The following RANBP2 variants were observed in gnomAD, a reference collection of about 807,000 sequenced individuals.
RANBP2 encodes E3 SUMO-protein ligase RanBP2.
RANBP2 carries 57 observed loss-of-function variants against 303.6 expected under a neutral mutation model. The observed-to-expected ratio is 0.19, with a 90% confidence interval of 0.15 to 0.23. The LOEUF (loss-of-function observed/expected upper bound fraction) is 0.23, where lower values mean the gene tolerates loss of function less well. Ranked by LOEUF, RANBP2 falls within the 10% of genes least tolerant of loss-of-function variation. The pLI is 1.00. For missense variants in RANBP2, 3,138 were observed against 3,780.8 expected, an observed-to-expected ratio of 0.83 and a Z score of 4.46; for synonymous variants, 1,167 against 1,301.5, an observed-to-expected ratio of 0.90 and a Z score of 2.23.
the RANBP2 span, among the ~76,000 whole-genome samples, chr2:109,645,966 A>C: frequency 6.6e-6 from 1 of 152,188 alleles, no homozygotes; most frequent in Non-Finnish European, 1.5e-5. Context: ...TGCTCATGAA[A>C]ACTTCACAGA....
At chr2:109,522,527 C>T in the RANBP2 span, among the ~76,000 whole-genome samples, 2 of 152,046 alleles carry the variant, frequency 1.3e-5, no homozygotes, top group Non-Finnish European at 2.9e-5. Context: ...GAACTCCTGA[C>T]CTCAGGTGAT....
chr2:108,892,600 T>TC, the RANBP2 span, among the ~76,000 whole-genome samples: 1 of 152,148 alleles, frequency 6.6e-6, no homozygotes, highest in Non-Finnish European at 1.5e-5. Flanking sequence ...CAGTGCAAAC[T>TC]CCATCTCTGG....
chr2:109,150,532 A>G, the RANBP2 span, among the ~76,000 whole-genome samples: 3 of 152,238 alleles, frequency 2.0e-5, no homozygotes, highest in Non-Finnish European at 4.4e-5. Flanking sequence ...TTAACCACAC[A>G]GTGGGACAGG....
the RANBP2 span, among the ~76,000 whole-genome samples, chr2:109,249,584 C>T: frequency 1.8e-5 from 2 of 110,290 alleles, no homozygotes; most frequent in African/African-American, 7.7e-5. Flanking sequence ...TCCTTCCTTC[C>T]TTTCCTTTCT....
chr2:109,542,892 CATAAA>C, the RANBP2 span: 2 of 152,486 alleles, frequency 1.3e-5, no homozygotes, highest in African/African-American at 2.4e-5. Context: ...TGAAAATACT[CATAAA>C]ATACCTCATC....
At chr2:109,181,950 G>A in the RANBP2 span, among the ~76,000 whole-genome samples, 1 of 152,178 alleles carries the variant, frequency 6.6e-6, no homozygotes, top group African/African-American at 2.4e-5. Context: ...GGCCTTGAAT[G>A]AGCAACCAAA....
At chr2:109,139,918 G>T in the RANBP2 span, among the ~76,000 whole-genome samples, 1 of 152,196 alleles carries the variant, frequency 6.6e-6, no homozygotes, top group Non-Finnish European at 1.5e-5. Context: ...GGCTTAGTTT[G>T]TTCAGGTTTG....
rs1558928047 is a variant in RANBP2, at chr2:108,768,040, T to C, written c.7501T>C (p.Ser2501Pro). ...ATSEVEVSST[S>P]ETTPKAVVSP... ...TTCAGAAGTTGAAGTGTCTAGCACA[T>C]CTGAAACAACACCAAAAGCAGTGGT... Residue 2501 changes from serine (S) to proline (P), a missense_variant, in exon 20 of 29, where the codon TCT (serine) becomes CCT (proline). Transcript: ENST00000283195. 6.8e-6 allele frequency: 11 copies of C among 1,611,908 alleles called. No individual in the cohort carries two copies. Among genetic ancestry groups the C allele is most frequent in the Non-Finnish European group, 1.7e-6 (2 of 1,179,874 alleles).
chr2:108,915,666 G>A, the RANBP2 span, among the ~76,000 whole-genome samples: 2 of 152,266 alleles, frequency 1.3e-5, no homozygotes, highest in Admixed American at 6.5e-5. Context: ...TTGGGAGGCC[G>A]AGGCGGGAGG....
the RANBP2 span, chr2:108,896,060 AG>A: frequency 6.6e-6 from 1 of 152,250 alleles, no homozygotes; most frequent in African/African-American, 2.4e-5. Context: ...CTAAGACTGA[AG>A]TGGAAGGCCA....
At chr2:109,613,658 G>T in the RANBP2 span, 23 of 539,040 alleles carry the variant, frequency 4.3e-5, no homozygotes, top group African/African-American at 3.6e-4. Flanking sequence ...CGCGGAAGCC[G>T]GGGAGCACTG....
At chr2:109,445,251 G>T in the RANBP2 span, among the ~76,000 whole-genome samples, 1 of 152,222 alleles carries the variant, frequency 6.6e-6, no homozygotes, top group Non-Finnish European at 1.5e-5. Context: ...GAAGAGATGG[G>T]ACAGAGAGAA....
At chr2:109,521,167 A>C in the RANBP2 span, among the ~76,000 whole-genome samples, 1 of 150,486 alleles carries the variant, frequency 6.6e-6, no homozygotes, top group African/African-American at 2.5e-5. Flanking sequence ...GCAGTGAGCC[A>C]AGATTGTGCC....
chr2:108,728,978 A>C (rs559754935), intron 1 of RANBP2, among the ~76,000 whole-genome samples, 154 bp from the exon 2 acceptor site: 1 of 152,242 alleles, frequency 6.6e-6, no homozygotes. Flanking sequence ...ATTATAAAAC[A>C]TGGAATTATG....
the RANBP2 span, among the ~76,000 whole-genome samples, chr2:109,380,135 C>T: frequency 6.6e-6 from 1 of 152,214 alleles, no homozygotes; most frequent in African/African-American, 2.4e-5. Flanking sequence ...TCCACACATA[C>T]ATGGGTGTTC....
intron 7 of RANBP2, among the ~76,000 whole-genome samples, chr2:108,742,654 A>C (rs186802538): frequency 8.6e-4 from 131 of 152,282 alleles, no homozygotes; most frequent in African/African-American, 3.0e-3. Context: ...GTTAAGTGCT[A>C]ATATTTGCTC....
the RANBP2 span, among the ~76,000 whole-genome samples, chr2:109,082,767 A>T: frequency 2.0e-5 from 3 of 150,970 alleles, no homozygotes; most frequent in African/African-American, 7.3e-5. Flanking sequence ...GTGCACTATG[A>T]TGGCACCTGT....
chr2:109,452,846 C>G, the RANBP2 span, among the ~76,000 whole-genome samples: 2 of 149,816 alleles, frequency 1.3e-5, no homozygotes, highest in Non-Finnish European at 3.0e-5. Context: ...AGGCTGGTCC[C>G]TGGGAGGCTG....
At chr2:108,920,682 C>T in the RANBP2 span, among the ~76,000 whole-genome samples, 1 of 152,214 alleles carries the variant, frequency 6.6e-6, no homozygotes, top group Non-Finnish European at 1.5e-5. Context: ...CCTCTCATTA[C>T]TTGGCAACCC....
Sources: allele counts gnomAD v4.1 joint callset (sites outside exome capture counted in the v4.1 genomes callset), GRCh38; gene constraint gnomAD v4.1.1; transcripts MANE v1.5; gene names NCBI Gene and HGNC (gene_info 2026-07-23, HGNC 2026-07-21).